The following BET1 variants were observed in gnomAD, a reference collection of about 807,000 sequenced individuals.
BET1 encodes the protein Bet1 golgi vesicular membrane trafficking protein.
BET1 carries 9 observed loss-of-function variants against 13.9 expected under a neutral mutation model. That is an observed-to-expected ratio of 0.65 (90% CI 0.39 to 1.13). The LOEUF is 1.13. Among genes scored for constraint, BET1 ranks in the 50% most tolerant of loss-of-function variants. The pLI is 0.01. For missense variants in BET1, 127 were observed against 133.6 expected (o/e 0.95, Z 0.24); for synonymous variants, 39 against 47.3 (o/e 0.82, Z 0.72).
exon 7 of BET1, chr7:93,963,766 T>C (rs1367038585): frequency 6.6e-6 from 1 of 152,078 alleles, no homozygotes; most frequent in Admixed American, 6.6e-5. Context: ...TGTTGCTCTG[T>C]CAAGAATTAG....
intron 3 of BET1, among the ~76,000 whole-genome samples, chr7:93,995,683 T>C (rs1412506990): frequency 6.6e-6 from 1 of 152,228 alleles, no homozygotes; most frequent in African/African-American, 2.4e-5. Flanking sequence ...CAAATTCATT[T>C]TTGAATAGCA....
intron 1 of BET1, among the ~76,000 whole-genome samples, chr7:94,003,902 C>T (rs1004501666): frequency 6.6e-6 from 1 of 152,074 alleles, no homozygotes; most frequent in African/African-American, 2.4e-5. Flanking sequence ...CATAACCACG[C>T]TCAGTCAATA....
chr7:93,973,225 A>G (rs1480199594), intron 5 of BET1, among the ~76,000 whole-genome samples: 1 of 151,976 alleles, frequency 6.6e-6, no homozygotes, highest in Non-Finnish European at 1.5e-5. Flanking sequence ...GATTGTCCAC[A>G]GTATGGAACA....
intron 4 of BET1, among the ~76,000 whole-genome samples, chr7:93,988,028 A>G (rs1190874272): frequency 6.6e-6 from 1 of 152,238 alleles, no homozygotes; most frequent in Non-Finnish European, 1.5e-5. Context: ...TTGGTATGTT[A>G]TTAATCAAGC....
chr7:93,996,763 G>A (rs1000476962), intron 2 of BET1, among the ~76,000 whole-genome samples: 11 of 150,672 alleles, frequency 7.3e-5, no homozygotes, highest in African/African-American at 2.7e-4. Context: ...TACAGGTGAA[G>A]GTTTGTTATA....
At chr7:93,976,994 G>A (rs953324051) in intron 4 of BET1, among the ~76,000 whole-genome samples, 6 of 152,034 alleles carry the variant, frequency 3.9e-5, no homozygotes, top group Non-Finnish European at 7.4e-5. Context: ...AGGTTCCTGC[G>A]AATGCCCTTA....
In BET1 at chr7:93,993,629, C is replaced by T; in HGVS notation, c.*601G>A. 1 of 1,263,036 alleles carries T rather than the reference C, an allele frequency of 7.9e-7. No homozygotes were observed. Among genetic ancestry groups the T allele is most frequent in the Non-Finnish European group, 9.9e-7 (1 of 1,006,306 alleles). The allele number at this position is 1,263,036 out of a possible 1,614,324, so 78.2% of individuals were successfully genotyped here. ...TGCAATGGGCCCTACCAGAAATATG[C>T]CAAAATAACAAGTTTTATTTAAAGA... On this transcript the variant is annotated 3_prime_UTR_variant, in exon 4 of 4. Transcript: ENST00000222547.
chr7:93,998,919 G>T (rs1198369213), intron 2 of BET1, among the ~76,000 whole-genome samples: 1 of 151,944 alleles, frequency 6.6e-6, no homozygotes, highest in Admixed American at 6.6e-5. Context: ...CATTACAGCA[G>T]ACAGCATACA....
intron 4 of BET1, among the ~76,000 whole-genome samples, chr7:93,980,010 A>AT (rs1177669199): frequency 6.6e-6 from 1 of 152,020 alleles, no homozygotes; most frequent in East Asian, 1.9e-4. Context: ...TGTGAGCAAC[A>AT]TTCCAAATTT....
intron 5 of BET1, among the ~76,000 whole-genome samples, chr7:93,973,312 G>T (rs1374846130): frequency 6.6e-6 from 1 of 151,980 alleles, no homozygotes; most frequent in East Asian, 1.9e-4. Flanking sequence ...TCCTATAGCT[G>T]TTGAGCAGAA....
At chr7:93,984,978 CT>C (rs1795498194) in intron 4 of BET1, among the ~76,000 whole-genome samples, 1 of 152,094 alleles carries the variant, frequency 6.6e-6, no homozygotes, top group Non-Finnish European at 1.5e-5. Flanking sequence ...AAATAGTTTG[CT>C]TTTTCAGAAG....
rs747449185 is a variant in BET1, at chr7:93,994,376, A to C, written c.211T>G (p.Phe71Val). The change falls in exon 4 of 4, where the codon TTT becomes GTT. Residue 71 changes from phenylalanine to valine, a missense_variant. Phe to Val is a conservative substitution (Grantham distance 50, BLOSUM62 -1). Transcript: ENST00000222547. The stretch of plus-strand genomic sequence containing the variant: ...CCTAGAAATCCAGTTGTGGAATCAA[A>C]TTGTGAATCCTATCAGAGATAAAGG... Reference protein sequence around the residue: ...NKLLAEMDSQFDSTTGFLGKT... With the variant: ...NKLLAEMDSQVDSTTGFLGKT... 1 of 1,612,488 alleles carries C rather than the reference A, an allele frequency of 6.2e-7. No homozygotes were observed. The highest frequency in any genetic ancestry group is 8.5e-7 in the Non-Finnish European group (1 of 1,179,358).
intron 6 of BET1, chr7:93,972,395 T>C (rs997951549): frequency 2.6e-5 from 4 of 151,878 alleles, no homozygotes; most frequent in African/African-American, 9.7e-5. Flanking sequence ...GACACAAATT[T>C]TTTATTTGTT....
At chr7:93,975,248 A>G (rs945117118) in intron 5 of BET1, among the ~76,000 whole-genome samples, 5 of 152,108 alleles carry the variant, frequency 3.3e-5, no homozygotes, top group Admixed American at 3.3e-4. Context: ...ATAGTATTGT[A>G]CCAATGTTAA....
At chr7:93,981,273 T>C (rs899526095) in intron 4 of BET1, among the ~76,000 whole-genome samples, 11 of 152,182 alleles carry the variant, frequency 7.2e-5, no homozygotes, top group Admixed American at 2.0e-4. Flanking sequence ...GGGAAATCCC[T>C]CAGTCCTCTA....
chr7:93,967,143 G>C (rs1440231847), intron 6 of BET1, among the ~76,000 whole-genome samples: 1 of 151,812 alleles, frequency 6.6e-6, no homozygotes, highest in East Asian at 1.9e-4. Context: ...AATTGTGTAA[G>C]GTACTTTTAA....
At chr7:93,993,006 C>A (rs551271503), downstream of BET1, 7 of 984,848 alleles carry the variant, frequency 7.1e-6, no homozygotes, top group African/African-American at 8.7e-5. Context: ...CCCAAACTGA[C>A]AGGTTATTAG....
At chr7:93,998,369 T>G (rs1795817458) in intron 2 of BET1, among the ~76,000 whole-genome samples, 1 of 152,106 alleles carries the variant, frequency 6.6e-6, no homozygotes, top group Non-Finnish European at 1.5e-5. Flanking sequence ...CAGGAACAGA[T>G]AGGTTAAGAT....
chr7:93,984,490 A>T (rs1264675675), intron 4 of BET1, among the ~76,000 whole-genome samples: 1 of 152,134 alleles, frequency 6.6e-6, no homozygotes, highest in Non-Finnish European at 1.5e-5. Context: ...ATTGTAAGTT[A>T]TTTGAGATGA....
Sources: gnomAD v4.1 joint callset for allele counts (sites outside exome capture counted in the v4.1 genomes callset) on GRCh38, gnomAD v4.1.1 for gene constraint, MANE v1.5 for transcripts, NCBI Gene and HGNC (gene_info 2026-07-23, HGNC 2026-07-21) for gene names.